NOB1: variants seen among roughly 807,000 people sequenced by gnomAD.
The protein encoded by NOB1 is NIN1 (RPN12) binding protein 1 homolog, also known as RNA-binding protein NOB1.
NOB1 carries 44 observed loss-of-function variants against 44.8 expected under a neutral mutation model. The observed-to-expected ratio is 0.98, with a 90% CI of 0.77 to 1.26. The LOEUF (loss-of-function observed/expected upper bound fraction) is 1.26. Among genes scored for constraint, NOB1 ranks in the 50% most tolerant of loss-of-function variants. NOB1 has a pLI of 0.00. For synonymous variants in NOB1, 238 were observed against 218.7 expected (o/e 1.09, Z -0.78); for missense variants, 560 against 544.8 (o/e 1.03, Z -0.28).
chr16:69,746,258 TACA>T (rs1284968746), intron 7 of NOB1, among the ~76,000 whole-genome samples: 1 of 152,200 alleles, frequency 6.6e-6, no homozygotes, highest in Non-Finnish European at 1.5e-5. Flanking sequence ...CATCGGCCTC[TACA>T]ACAAGGGGCA....
At chr16:69,743,262 T>C (rs928133743) in intron 8 of NOB1, among the ~76,000 whole-genome samples, 2 of 152,154 alleles carry the variant, frequency 1.3e-5, no homozygotes, top group African/African-American at 2.4e-5. Flanking sequence ...CTTTACAGTA[T>C]AATACCAGGT....
At chr16:69,742,707 T>C in intron 8 of NOB1, 106 bp from the exon 9 acceptor site, 1 of 1,174,298 alleles carries the variant, frequency 8.5e-7, no homozygotes, top group South Asian at 1.4e-5. Flanking sequence ...TGCAGGCAGA[T>C]GACAGCGGGT....
chr16:69,751,711 G>A (rs560456165), intron 3 of NOB1, among the ~76,000 whole-genome samples: 1 of 152,300 alleles, frequency 6.6e-6, no homozygotes, highest in Non-Finnish European at 1.5e-5. Flanking sequence ...TTGATCTTTA[G>A]AGACATACCA....
Position 69,754,859 on chromosome 16 carries a change from C to T in NOB1, c.52G>A (p.Ala18Thr), listed in dbSNP as rs1444828755. The T allele has an allele frequency of 6.3e-7, 1 of 1,599,278 alleles. No individual in the cohort carries two copies. Among genetic ancestry groups the T allele is most frequent in the Admixed American group, 1.7e-5 (1 of 57,590 alleles). ...VADAGAFLRH[A>T]ALQDIGKNIY... ...GGAGCTCCCCGTACCTGCAGAGCCGCATGCCGCAGGAAAGCCCCAGCATCC... is the reference window on the plus strand; with the variant it reads ...GGAGCTCCCCGTACCTGCAGAGCCGTATGCCGCAGGAAAGCCCCAGCATCC... The change falls in exon 1 of 9, where the codon GCG becomes ACG. Residue 18 changes from alanine to threonine, a missense_variant. Ala to Thr is a moderately conservative substitution (Grantham distance 58). Transcript: ENST00000268802.
chr16:69,744,522 G>T (rs548522983), intron 8 of NOB1, among the ~76,000 whole-genome samples: 14 of 152,154 alleles, frequency 9.2e-5, no homozygotes, highest in Admixed American at 6.5e-4. Flanking sequence ...CATCTAGCCC[G>T]TCCGGCCCTC....
chr16:69,753,590 C>T (rs762371626), intron 2 of NOB1, among the ~76,000 whole-genome samples: 43 of 152,130 alleles, frequency 2.8e-4, no homozygotes, highest in Admixed American at 3.3e-4. Flanking sequence ...AGTATTTCCT[C>T]GGAAAGATTT....
At chr16:69,745,486 A>C (rs1281485252) in intron 7 of NOB1, among the ~76,000 whole-genome samples, 1 of 152,224 alleles carries the variant, frequency 6.6e-6, no homozygotes. Flanking sequence ...GCACCTCGTC[A>C]CACCACGAGC....
chr16:69,752,126 T>C, intron 3 of NOB1, 115 bp downstream of exon 3: 2 of 924,764 alleles, frequency 2.2e-6, no homozygotes, highest in Non-Finnish European at 3.4e-6. Context: ...AGCTAAGAGA[T>C]AATTGGAGGG....
chr16:69,748,331 T>G lies in NOB1; in HGVS notation c.727-2A>C. 6.2e-7 allele frequency: 1 copy of G among 1,611,670 alleles called. No homozygotes were observed. ...CAGCCCCATCTGCAGCAGAACATTC[T>G]ACAACCACAAGTTAAAGAAGAAATC... On this transcript the variant is annotated splice_acceptor_variant, in intron 6 of 8. Coordinates refer to ENST00000268802, the MANE Select transcript of NOB1 (RefSeq NM_014062.3). LOFTEE classifies it high-confidence loss of function.
intron 3 of NOB1, among the ~76,000 whole-genome samples, chr16:69,749,848 G>A (rs992470427): frequency 6.6e-6 from 1 of 151,406 alleles, no homozygotes; most frequent in Non-Finnish European, 1.5e-5. Context: ...CGTGGTGGCA[G>A]GCACCTGTAA....
In NOB1 at chr16:69,752,355, C is replaced by A; in HGVS notation, c.213G>T (p.Lys71Asn). ...EYVRLVTEFS[K>N]KTGDYPSLSA... Reference sequence around the variant, plus strand: ...AGAGGCTGGGGTAGTCTCCTGTTTTCTTTGAAAACTCAGTCACTGTAAACA... The same window carrying A: ...AGAGGCTGGGGTAGTCTCCTGTTTTATTTGAAAACTCAGTCACTGTAAACA... Residue 71 changes from lysine to asparagine, a missense_variant, in exon 3 of 9, where the codon AAG (lysine) becomes AAT (asparagine). Coordinates refer to ENST00000268802, the MANE Select transcript of NOB1 (RefSeq NM_014062.3). 2 of 1,613,040 alleles carry A rather than the reference C, an allele frequency of 1.2e-6. No individual in the cohort carries two copies. The highest frequency in any genetic ancestry group is 1.7e-6 in the Non-Finnish European group (2 of 1,179,118).
intron 1 of NOB1, 48 bp from the exon 2 acceptor site, chr16:69,754,774 T>C: frequency 6.2e-7 from 1 of 1,612,616 alleles, no homozygotes; most frequent in South Asian, 1.1e-5. Context: ...CAAGCAACGC[T>C]CCGCGCGACT....
chr16:69,745,607 C>G (rs975574457), intron 7 of NOB1, among the ~76,000 whole-genome samples: 2 of 152,330 alleles, frequency 1.3e-5, no homozygotes, highest in East Asian at 3.9e-4. Flanking sequence ...GAACTAAGCC[C>G]GGGCACTGAG....
rs1303463450 is a variant in NOB1, at chr16:69,747,013, GAGATC to G, written c.824+1214_824+1218del. ...CTGAGTTCGGCGGATCAGAGGTCAG[GAGATC>G]AACACTATCCTGGCTAACACGGTGA... On this transcript the variant is annotated intron_variant, in intron 7 of 8. Transcript: ENST00000268802. Among the ~76,000 whole-genome samples, 8 of 151,478 alleles carry G rather than the reference GAGATC, an allele frequency of 5.3e-5. No individual in the cohort carries two copies. In the East Asian group the frequency reaches 1.6e-3, roughly 29 times the overall value.
chr16:69,742,142 G>T lies in NOB1; in HGVS notation c.*190C>A. 1.6e-6 allele frequency: 1 copy of T among 613,230 alleles called. No individual in the cohort carries two copies. The highest frequency in any genetic ancestry group is 2.7e-6 in the Non-Finnish European group (1 of 368,400). The allele number at this position is 613,230 out of a possible 1,614,324, so 38.0% of individuals were successfully genotyped here. On this transcript the variant is annotated 3_prime_UTR_variant, in exon 9 of 9. Coordinates refer to ENST00000268802, the MANE Select transcript of NOB1 (RefSeq NM_014062.3). Reference sequence around the variant, plus strand: ...TCCTTGGCAGGCAGCCAGGCGCTCCGGTGCTCACAGGCCATGGGACAGTCC... The same window carrying T: ...TCCTTGGCAGGCAGCCAGGCGCTCCTGTGCTCACAGGCCATGGGACAGTCC...
intron 2 of NOB1, among the ~76,000 whole-genome samples, chr16:69,752,778 C>G (rs1171818932): frequency 2.0e-5 from 3 of 151,224 alleles, no homozygotes; most frequent in Non-Finnish European, 4.4e-5. Flanking sequence ...AATAAATATA[C>G]AAAAATTATC....
intron 2 of NOB1, 146 bp downstream of exon 2, chr16:69,754,448 C>T (rs1597619140): frequency 8.8e-7 from 1 of 1,133,220 alleles, no homozygotes; most frequent in Admixed American, 2.3e-5. Context: ...ACCCAGGAAG[C>T]CTCTCTCCTA....
intron 7 of NOB1, among the ~76,000 whole-genome samples, chr16:69,745,447 C>A (rs1044342409): frequency 1.3e-5 from 2 of 152,200 alleles, no homozygotes; most frequent in Non-Finnish European, 2.9e-5. Flanking sequence ...AGAATCAATG[C>A]CCTTCACATC....
intron 5 of NOB1, 43 bp from the exon 6 acceptor site, chr16:69,749,161 C>T: frequency 6.2e-7 from 1 of 1,613,722 alleles, no homozygotes; most frequent in Non-Finnish European, 8.5e-7. Flanking sequence ...CCCACAGGAG[C>T]AGTGGAGGAG....
Sources: gnomAD v4.1 joint callset for allele counts (sites outside exome capture counted in the v4.1 genomes callset) on GRCh38, gnomAD v4.1.1 for gene constraint, MANE v1.5 for transcripts, NCBI Gene and HGNC (gene_info 2026-07-23, HGNC 2026-07-21) for gene names.